MAGI2: variants seen among roughly 807,000 people sequenced by gnomAD.
MAGI2 encodes the protein membrane-associated guanylate kinase, WW and PDZ domain-containing protein 2.
In MAGI2, 35 loss-of-function variants were observed where a neutral mutation model predicts 133.3. The observed-to-expected ratio is 0.26, with a 90% CI of 0.20 to 0.35. MAGI2 has a LOEUF of 0.35. Among genes scored for constraint, MAGI2 ranks in the 10% least tolerant of loss-of-function variants. The pLI is 1.00. For missense variants in MAGI2, 1,636 were observed against 1,863.4 expected (o/e 0.88, Z 2.25); for synonymous variants, 729 against 710.6 (o/e 1.03, Z -0.41).
At position 78,310,420 on chromosome 7, in the gene MAGI2, C is replaced by T. The variant is rs529984159; in HGVS notation, c.1408+33358G>A. On this transcript the variant is annotated intron_variant, in intron 9 of 21. Transcript: ENST00000354212. ...ACTGCACTCCAGCCTGGCAATAGAGCGAGACTCCAGCTCAAAAAAATAAAA... is the reference window on the plus strand; with the variant it reads ...ACTGCACTCCAGCCTGGCAATAGAGTGAGACTCCAGCTCAAAAAAATAAAA... Among the ~76,000 whole-genome samples, 16 of 152,086 alleles carry T rather than the reference C, an allele frequency of 1.1e-4. No homozygotes were observed. In the South Asian group the frequency reaches 1.2e-3, roughly 12 times the overall value.
rs1554448965 is a variant in MAGI2, at chr7:78,511,549, A to AT, written c.755-9763_755-9762insA. On this transcript the variant is annotated intron_variant, in intron 4 of 21. Transcript: ENST00000354212. Reference sequence around the variant, plus strand: ...CACCATCTTTTATATATATATATATAAATTTTTTTTTTTTTTTTTTTGACA... The same window carrying AT: ...CACCATCTTTTATATATATATATATATAATTTTTTTTTTTTTTTTTTTGACA... Among the ~76,000 whole-genome samples the AT allele has an allele frequency of 6.9e-3, 667 of 95,990 alleles. 5 individuals are homozygous for AT. Among genetic ancestry groups the AT allele is most frequent in the African/African-American group, 0.02 (480 of 23,884 alleles). The allele number at this position is 95,990 out of a possible 152,430, so 63.0% of individuals were successfully genotyped here. A position where few individuals can be genotyped will look rare whatever the true frequency, so the allele number is the denominator to read the frequency against.
intron 21 of MAGI2, chr7:78,065,435 T>G: frequency 5.6e-6 from 3 of 539,540 alleles, no homozygotes; most frequent in Non-Finnish European, 6.5e-6. Context: ...TTATAAGGTC[T>G]GAGCTATACA....
chr7:79,095,523 A>C (rs1817441886), intron 1 of MAGI2, among the ~76,000 whole-genome samples: 1 of 151,474 alleles, frequency 6.6e-6, no homozygotes, highest in Non-Finnish European at 1.5e-5. Flanking sequence ...GAGACATGTG[A>C]CTCTTCCTTT....
chr7:78,941,730 A>AT (rs759157652), intron 2 of MAGI2, among the ~76,000 whole-genome samples: 1 of 55,598 alleles, frequency 1.8e-5, no homozygotes, highest in African/African-American at 5.7e-5. Context: ...CTATTTCATC[A>AT]CACACACACA....
At chr7:78,050,589 A>G (rs1346205409) in intron 21 of MAGI2, among the ~76,000 whole-genome samples, 1 of 152,246 alleles carries the variant, frequency 6.6e-6, no homozygotes, top group Non-Finnish European at 1.5e-5. Flanking sequence ...ATGATTAGAG[A>G]GAAAGCAGGG....
At chr7:78,731,868 T>G (rs1821396243) in intron 2 of MAGI2, among the ~76,000 whole-genome samples, 2 of 152,170 alleles carry the variant, frequency 1.3e-5, no homozygotes, top group Non-Finnish European at 2.9e-5. Context: ...ATACACCTTC[T>G]TCTGCATACG....
intron 1 of MAGI2, among the ~76,000 whole-genome samples, chr7:79,031,342 C>A (rs767230786): frequency 3.3e-5 from 5 of 152,144 alleles, no homozygotes; most frequent in Non-Finnish European, 7.4e-5. Flanking sequence ...ACAAGCCTGA[C>A]ACTTAGTAGT....
intron 2 of MAGI2, among the ~76,000 whole-genome samples, chr7:78,638,727 C>A (rs1809946607): frequency 6.6e-6 from 1 of 152,142 alleles, no homozygotes; most frequent in Non-Finnish European, 1.5e-5. Flanking sequence ...TATTAATTTC[C>A]TGAATTTTTT....
chr7:78,757,895 T>C (rs1482293472), intron 2 of MAGI2, among the ~76,000 whole-genome samples: 2 of 152,194 alleles, frequency 1.3e-5, no homozygotes, highest in Non-Finnish European at 2.9e-5. Flanking sequence ...CATTTTACCA[T>C]AGAGTTTGCT....
chr7:78,186,979 T>C (rs1827755649), intron 12 of MAGI2, among the ~76,000 whole-genome samples: 1 of 152,240 alleles, frequency 6.6e-6, no homozygotes, highest in South Asian at 2.1e-4. Context: ...AAACCTCTGG[T>C]CAAGAAATAC....
intron 1 of MAGI2, among the ~76,000 whole-genome samples, chr7:79,164,448 T>C (rs914256111): frequency 6.6e-6 from 1 of 152,028 alleles, no homozygotes; most frequent in Non-Finnish European, 1.5e-5. Context: ...GTTAAAGAAC[T>C]AGATCTTTTT....
intron 6 of MAGI2, among the ~76,000 whole-genome samples, chr7:78,464,708 AC>A (rs1480862809): frequency 4.0e-5 from 6 of 150,766 alleles, no homozygotes; most frequent in African/African-American, 1.5e-4. Flanking sequence ...TAGGTCAAAT[AC>A]TTTTTTTACA....
intron 1 of MAGI2, among the ~76,000 whole-genome samples, chr7:79,116,213 C>T (rs1449968016): frequency 1.3e-5 from 2 of 152,144 alleles, no homozygotes; most frequent in Non-Finnish European, 2.9e-5. Flanking sequence ...TTCAGCTTCT[C>T]TTTTCTTTCT....
At chr7:78,749,364 T>C (rs1313384298) in intron 2 of MAGI2, among the ~76,000 whole-genome samples, 1 of 152,230 alleles carries the variant, frequency 6.6e-6, no homozygotes, top group South Asian at 2.1e-4. Flanking sequence ...CGTGTTTTCA[T>C]GGAGCTTATG....
chr7:79,449,596 T>A (rs1331472032), intron 1 of MAGI2, among the ~76,000 whole-genome samples: 1 of 151,932 alleles, frequency 6.6e-6, no homozygotes, highest in Admixed American at 6.6e-5. Context: ...CTCAAAAAAC[T>A]TTCTTCAACT....
At chr7:78,356,917 T>C (rs1392892363) in intron 7 of MAGI2, among the ~76,000 whole-genome samples, 1 of 152,232 alleles carries the variant, frequency 6.6e-6, no homozygotes, top group African/African-American at 2.4e-5. Flanking sequence ...ATTTTGGGTT[T>C]AAGCTACAAT....
At chr7:78,504,478 C>T (rs1018716998) in intron 4 of MAGI2, among the ~76,000 whole-genome samples, 6 of 151,792 alleles carry the variant, frequency 4.0e-5, no homozygotes, top group Admixed American at 6.6e-5. Flanking sequence ...AGGGTAAATA[C>T]GAAGGAGAAG....
At chr7:78,417,687 A>G (rs1380158604) in intron 6 of MAGI2, among the ~76,000 whole-genome samples, 1 of 152,158 alleles carries the variant, frequency 6.6e-6, no homozygotes, top group Non-Finnish European at 1.5e-5. Flanking sequence ...TATTTTGTTG[A>G]AACAATTATC....
At chr7:78,595,363 T>C (rs1804484836) in intron 3 of MAGI2, among the ~76,000 whole-genome samples, 1 of 152,192 alleles carries the variant, frequency 6.6e-6, no homozygotes, top group Non-Finnish European at 1.5e-5. Flanking sequence ...AAAATTAGGT[T>C]CAAGAAATTG....
Sources: allele counts gnomAD v4.1 joint callset (sites outside exome capture counted in the v4.1 genomes callset), GRCh38; gene constraint gnomAD v4.1.1; transcripts MANE v1.5; gene names NCBI Gene and HGNC (gene_info 2026-07-23, HGNC 2026-07-21).